TAFA1: variants seen among roughly 807,000 people sequenced by gnomAD.
TAFA1 encodes chemokine-like protein TAFA-1.
Under a neutral mutation model 18.5 loss-of-function variants are expected in TAFA1, and 4 were observed. That is an observed-to-expected ratio of 0.22 (90% CI 0.11 to 0.49). TAFA1 has a LOEUF of 0.49. Among genes scored for constraint, TAFA1 ranks in the 20% least tolerant of loss-of-function variants. The pLI is 0.98. For synonymous variants in TAFA1, 56 were observed against 55.2 expected (o/e 1.01, Z -0.06); for missense variants, 147 against 169.0 (o/e 0.87, Z 0.72).
chr3:68,473,590 T>G (rs1474351979), intron 3 of TAFA1, among the ~76,000 whole-genome samples: 2 of 152,194 alleles, frequency 1.3e-5, no homozygotes, highest in Non-Finnish European at 2.9e-5. Context: ...TTGTTTGGTT[T>G]GCATCCTTCC....
intron 2 of TAFA1, among the ~76,000 whole-genome samples, chr3:68,098,385 G>T (rs1274537123): frequency 2.6e-5 from 4 of 152,074 alleles, no homozygotes; most frequent in African/African-American, 9.7e-5. Flanking sequence ...TCTCCCAGAG[G>T]TTCAGTTTCC....
intron 2 of TAFA1, among the ~76,000 whole-genome samples, chr3:68,121,346 G>A (rs925687702): frequency 8.0e-5 from 12 of 149,392 alleles, no homozygotes; most frequent in African/African-American, 2.7e-4. Context: ...AGTCATTCTG[G>A]CTCAATAATT....
chr3:68,170,779 A>AT (rs34026595), intron 2 of TAFA1, among the ~76,000 whole-genome samples: 29,091 of 151,910 alleles, frequency 0.19, 3,148 homozygotes, highest in Middle Eastern at 0.28. Context: ...ATTTAAGGAA[A>AT]ATTTGTTCAA....
At chr3:68,475,152 C>A (rs1479533749) in intron 3 of TAFA1, among the ~76,000 whole-genome samples, 1 of 151,566 alleles carries the variant, frequency 6.6e-6, no homozygotes, top group Non-Finnish European at 1.5e-5. Flanking sequence ...TTTTTTTAAT[C>A]TCTTTTTTAA....
chr3:68,260,968 T>C (rs543101520), intron 2 of TAFA1, among the ~76,000 whole-genome samples: 1 of 151,916 alleles, frequency 6.6e-6, no homozygotes, highest in South Asian at 2.1e-4. Flanking sequence ...GAAACTAACG[T>C]CAGAGTGAAC....
intron 3 of TAFA1, among the ~76,000 whole-genome samples, chr3:68,501,614 C>T (rs1322993248): frequency 1.3e-5 from 2 of 152,072 alleles, no homozygotes; most frequent in African/African-American, 4.8e-5. Flanking sequence ...AATGCGGGAA[C>T]CACAAGAGTG....
chr3:68,329,704 A>G (rs909492470), intron 2 of TAFA1, among the ~76,000 whole-genome samples: 3 of 152,156 alleles, frequency 2.0e-5, no homozygotes, highest in Non-Finnish European at 2.9e-5. Context: ...TTAACCTTAC[A>G]CTTTGGAAGA....
At chr3:68,174,566 G>T (rs1002331274) in intron 2 of TAFA1, among the ~76,000 whole-genome samples, 22 of 152,148 alleles carry the variant, frequency 1.4e-4, no homozygotes, top group Non-Finnish European at 5.9e-5. Context: ...TTTTGCCCCT[G>T]CCCTAGACAT....
At chr3:68,141,899 A>G (rs770706695) in intron 2 of TAFA1, among the ~76,000 whole-genome samples, 10 of 152,206 alleles carry the variant, frequency 6.6e-5, no homozygotes, top group Admixed American at 2.6e-4. Flanking sequence ...GTCATCTGCC[A>G]CTGAAAAGAA....
the TAFA1 span, among the ~76,000 whole-genome samples, chr3:67,996,658 G>A: frequency 6.6e-6 from 1 of 152,146 alleles, no homozygotes; most frequent in Non-Finnish European, 1.5e-5. Context: ...AATTAGCCAG[G>A]TGTGGTGGTC....
intron 2 of TAFA1, among the ~76,000 whole-genome samples, chr3:68,285,083 G>C (rs971572097): frequency 6.6e-6 from 1 of 152,128 alleles, no homozygotes; most frequent in South Asian, 2.1e-4. Flanking sequence ...GCCAGATCCT[G>C]CATGTAAAAA....
intron 2 of TAFA1, among the ~76,000 whole-genome samples, chr3:68,366,374 T>A (rs752800189): frequency 6.6e-6 from 1 of 152,166 alleles, no homozygotes; most frequent in African/African-American, 2.4e-5. Flanking sequence ...ATCTTGACTT[T>A]CAGAAAGAAC....
At chr3:68,468,102 C>T (rs1050852278) in intron 3 of TAFA1, among the ~76,000 whole-genome samples, 1 of 152,048 alleles carries the variant, frequency 6.6e-6, no homozygotes, top group African/African-American at 2.4e-5. Context: ...TTTGACAGGG[C>T]CCTGATACAT....
At chr3:68,428,927 G>A (rs935893413) in intron 3 of TAFA1, among the ~76,000 whole-genome samples, 3 of 151,896 alleles carry the variant, frequency 2.0e-5, no homozygotes, top group Non-Finnish European at 4.4e-5. Context: ...TGTCTCCCGG[G>A]TACAAGAAAC....
intron 3 of TAFA1, among the ~76,000 whole-genome samples, chr3:68,501,000 A>C (rs2072647424): frequency 6.6e-6 from 1 of 151,532 alleles, no homozygotes; most frequent in African/African-American, 2.4e-5. Context: ...AAAAATACAA[A>C]AAAAATTAGC....
intron 2 of TAFA1, among the ~76,000 whole-genome samples, chr3:68,281,699 C>T (rs2067900560): frequency 6.6e-6 from 1 of 152,070 alleles, no homozygotes; most frequent in Non-Finnish European, 1.5e-5. Context: ...CTGAAGTGAT[C>T]CACCTGCCTC....
At chr3:68,016,122 C>T (rs886275424) in intron 2 of TAFA1, among the ~76,000 whole-genome samples, 5 of 152,166 alleles carry the variant, frequency 3.3e-5, no homozygotes, top group Non-Finnish European at 7.4e-5. Flanking sequence ...TTGCTGTGGA[C>T]GATTGGGTTA....
At chr3:68,520,939 T>C (rs947453184) in intron 3 of TAFA1, among the ~76,000 whole-genome samples, 1 of 152,238 alleles carries the variant, frequency 6.6e-6, no homozygotes, top group East Asian at 1.9e-4. Context: ...AAATATTTAT[T>C]GAGCACCTTC....
intron 2 of TAFA1, among the ~76,000 whole-genome samples, chr3:68,028,012 A>C (rs1347879704): frequency 6.6e-6 from 1 of 152,170 alleles, no homozygotes; most frequent in African/African-American, 2.4e-5. Context: ...ACTCTGGGAT[A>C]GTTTATTCTA....
Sources: allele counts gnomAD v4.1 joint callset (sites outside exome capture counted in the v4.1 genomes callset), GRCh38; gene constraint gnomAD v4.1.1; transcripts MANE v1.5; gene names NCBI Gene and HGNC (gene_info 2026-07-23, HGNC 2026-07-21).